Variants in ATG10 observed in about 807,000 individuals in gnomAD.
ATG10 encodes autophagy related 10.
Under a neutral mutation model 32.1 loss-of-function variants are expected in ATG10, and 30 were observed. The ratio of observed to expected loss-of-function variants is 0.94; its 90% CI spans 0.70 to 1.27. ATG10 has a LOEUF of 1.27. ATG10 is among the 50% of genes most tolerant of loss of function. The pLI is 0.00. For synonymous variants in ATG10, 87 were observed against 91.5 expected, an observed-to-expected ratio of 0.95 and a Z score of 0.28; for missense variants, 233 against 262.3, an observed-to-expected ratio of 0.89 and a Z score of 0.77.
intron 3 of ATG10, among the ~76,000 whole-genome samples, chr5:82,069,639 C>G (rs147422741): frequency 3.9e-5 from 6 of 152,218 alleles, no homozygotes; most frequent in African/African-American, 1.4e-4. Flanking sequence ...CTTGATTTTT[C>G]TGGGTTAGAA....
chr5:82,188,093 T>C (rs1268546490), intron 5 of ATG10, among the ~76,000 whole-genome samples: 1 of 152,244 alleles, frequency 6.6e-6, no homozygotes, highest in Non-Finnish European at 1.5e-5. Flanking sequence ...TGGATTCCTA[T>C]TGTATTGATT....
rs187533126 is a variant in ATG10 at position 82,075,480 on chromosome 5, C to A, written c.216+16878C>A. Among the ~76,000 whole-genome samples the A allele has an allele frequency of 3.5e-3, 538 of 152,188 alleles. 1 individual carries two copies. Among genetic ancestry groups the A allele is most frequent in the Non-Finnish European group, 6.6e-3 (449 of 68,014 alleles). On this transcript the variant is annotated intron_variant, in intron 3 of 7. Transcript: ENST00000282185. Reference sequence around the variant, plus strand: ...TTGTTTGTGTTTTGCAGGTTTTATACTATATTGTATGTTTAGCTAATTTAG... The same window carrying A: ...TTGTTTGTGTTTTGCAGGTTTTATAATATATTGTATGTTTAGCTAATTTAG...
intron 5 of ATG10, among the ~76,000 whole-genome samples, chr5:82,194,120 G>T (rs1744764802): frequency 6.6e-6 from 1 of 152,074 alleles, no homozygotes; most frequent in Non-Finnish European, 1.5e-5. Context: ...TTTCATACTG[G>T]GTTCAGGAAA....
intron 2 of ATG10, among the ~76,000 whole-genome samples, chr5:82,053,695 G>A (rs1311758698): frequency 2.0e-5 from 3 of 152,104 alleles, no homozygotes; most frequent in African/African-American, 7.2e-5. Context: ...GGTTATAACA[G>A]CTGGACATTT....
intron 5 of ATG10, among the ~76,000 whole-genome samples, chr5:82,184,063 A>T (rs1744353122): frequency 6.6e-6 from 1 of 152,084 alleles, no homozygotes; most frequent in South Asian, 2.1e-4. Flanking sequence ...TCCTGCCCAG[A>T]CTTGTTGGAG....
intron 3 of ATG10, among the ~76,000 whole-genome samples, chr5:82,163,369 G>A (rs2149898765): frequency 6.6e-6 from 1 of 152,286 alleles, no homozygotes; most frequent in South Asian, 2.1e-4. Context: ...CTGACTGTGA[G>A]TAGGGAATTA....
intron 5 of ATG10, among the ~76,000 whole-genome samples, chr5:82,229,649 A>G (rs1746268037): frequency 6.6e-6 from 1 of 152,256 alleles, no homozygotes; most frequent in Non-Finnish European, 1.5e-5. Flanking sequence ...ACAAACTGGC[A>G]CAGAATCTGA....
intron 2 of ATG10, among the ~76,000 whole-genome samples, chr5:82,047,634 T>A (rs1401163672): frequency 6.6e-6 from 1 of 152,166 alleles, no homozygotes; most frequent in Admixed American, 6.5e-5. Context: ...AGTGGCTAAT[T>A]TTTTCTGCCA....
At chr5:82,101,369 G>A (rs984118138) in intron 3 of ATG10, among the ~76,000 whole-genome samples, 4 of 152,102 alleles carry the variant, frequency 2.6e-5, no homozygotes, top group Admixed American at 6.6e-5. Flanking sequence ...GGAAGGGCAC[G>A]CCTTCTCTTT....
chr5:82,204,695 A>T (rs971171101), intron 5 of ATG10, among the ~76,000 whole-genome samples: 6 of 152,174 alleles, frequency 3.9e-5, no homozygotes, highest in Admixed American at 3.9e-4. Flanking sequence ...GATACTAGAG[A>T]TAAAAAGAAG....
At chr5:82,039,232 A>G (rs904795477) in intron 2 of ATG10, among the ~76,000 whole-genome samples, 3 of 152,190 alleles carry the variant, frequency 2.0e-5, no homozygotes, top group African/African-American at 4.8e-5. Flanking sequence ...ATTTCTTTGT[A>G]TTTAGGGATA....
At chr5:82,086,412 A>G (rs1764695313) in intron 3 of ATG10, among the ~76,000 whole-genome samples, 1 of 152,174 alleles carries the variant, frequency 6.6e-6, no homozygotes, top group Non-Finnish European at 1.5e-5. Context: ...TAGTATAGTA[A>G]TAGCTTTAGG....
chr5:81,974,318 A>C (rs942410499), intron 1 of ATG10, among the ~76,000 whole-genome samples: 3 of 152,288 alleles, frequency 2.0e-5, no homozygotes, highest in Admixed American at 1.3e-4. Context: ...TGGGGAATGG[A>C]GAATAGGAGA....
chr5:82,128,975 C>T (rs1766395273), intron 3 of ATG10, among the ~76,000 whole-genome samples: 1 of 151,748 alleles, frequency 6.6e-6, no homozygotes, highest in Non-Finnish European at 1.5e-5. Context: ...TTCCATTCTT[C>T]CCATCACTTT....
chr5:82,122,353 A>G (rs1015050606), intron 3 of ATG10, among the ~76,000 whole-genome samples: 5 of 152,172 alleles, frequency 3.3e-5, no homozygotes, highest in African/African-American at 1.2e-4. Flanking sequence ...ATCGTATACA[A>G]AAATCGACTC....
At chr5:82,111,089 C>T (rs1020543218) in intron 3 of ATG10, among the ~76,000 whole-genome samples, 9 of 151,922 alleles carry the variant, frequency 5.9e-5, no homozygotes, top group South Asian at 2.1e-4. Context: ...AAGATGCTTA[C>T]GTATACTCCA....
At chr5:81,982,291 C>T (rs1019381395) in intron 1 of ATG10, among the ~76,000 whole-genome samples, 3 of 152,222 alleles carry the variant, frequency 2.0e-5, no homozygotes, top group African/African-American at 7.2e-5. Flanking sequence ...CACAGTGAAA[C>T]CCCATCTCTA....
chr5:82,159,448 C>G (rs899552999), intron 3 of ATG10, among the ~76,000 whole-genome samples: 1 of 152,138 alleles, frequency 6.6e-6, no homozygotes, highest in Non-Finnish European at 1.5e-5. Flanking sequence ...TTGTTTGTAT[C>G]TGCAAGATGA....
At chr5:82,122,681 G>T (rs113136234) in intron 3 of ATG10, among the ~76,000 whole-genome samples, 1 of 151,924 alleles carries the variant, frequency 6.6e-6, no homozygotes, top group Non-Finnish European at 1.5e-5. Context: ...AAACAATCCC[G>T]TTAAAAAGTG....
Sources: allele counts gnomAD v4.1 joint callset (sites outside exome capture counted in the v4.1 genomes callset), GRCh38; gene constraint gnomAD v4.1.1; transcripts MANE v1.5; gene names NCBI Gene and HGNC (gene_info 2026-07-23, HGNC 2026-07-21).